Variants in HNRNPM observed in about 807,000 individuals in gnomAD.
HNRNPM encodes heterogeneous nuclear ribonucleoprotein M, also known as CEA receptor.
Under a neutral mutation model 73.1 loss-of-function variants are expected in HNRNPM, and 11 were observed. That is an observed-to-expected ratio of 0.15 (90% CI 0.09 to 0.25). The LOEUF (loss-of-function observed/expected upper bound fraction) is 0.25. Among genes scored for constraint, HNRNPM ranks in the 10% least tolerant of loss-of-function variants. The pLI, the probability that HNRNPM is intolerant of heterozygous loss-of-function variation, is 1.00. For missense variants in HNRNPM, 789 were observed against 1,067.9 expected, an observed-to-expected ratio of 0.74 and a Z score of 3.64; for synonymous variants, 407 against 355.2, an observed-to-expected ratio of 1.15 and a Z score of -1.64.
At chr19:8,464,820 C>G (rs1969632361) in intron 5 of HNRNPM, among the ~76,000 whole-genome samples, 2 of 152,088 alleles carry the variant, frequency 1.3e-5, no homozygotes, top group African/African-American at 4.8e-5. Context: ...CAGACCTTCC[C>G]AGATGTTGTT....
Position 8,452,429 on chromosome 19 carries a change from G to A in HNRNPM, c.114-2976G>A, listed in dbSNP as rs117518776. Among the ~76,000 whole-genome samples the A allele has an allele frequency of 1.9e-4, 29 of 152,258 alleles. 1 individual carries two copies. The highest frequency in any genetic ancestry group is 6.8e-3 in the Middle Eastern group (2 of 294). On this transcript the variant is annotated intron_variant, in intron 1 of 15. Coordinates refer to ENST00000325495, the MANE Select transcript of HNRNPM (RefSeq NM_005968.5). Reference sequence around the variant, plus strand: ...TATGATTTTTTCTAACACAGTCGTCGTCATTTTCCAGGAAAGAGTAGGAGA... The same window carrying A: ...TATGATTTTTTCTAACACAGTCGTCATCATTTTCCAGGAAAGAGTAGGAGA...
At chr19:8,463,330 G>A (rs1015601543) in intron 3 of HNRNPM, among the ~76,000 whole-genome samples, 167 bp from the exon 4 acceptor site, 10 of 152,340 alleles carry the variant, frequency 6.6e-5, no homozygotes, top group South Asian at 2.1e-4. Flanking sequence ...AAGGCGAGGC[G>A]AGGCACTTCT....
At chr19:8,451,335 G>T (rs534723687) in intron 1 of HNRNPM, among the ~76,000 whole-genome samples, 6 of 152,078 alleles carry the variant, frequency 3.9e-5, no homozygotes, top group Non-Finnish European at 8.8e-5. Context: ...GAGCCACCGC[G>T]CCCAGCCAAA....
intron 2 of HNRNPM, among the ~76,000 whole-genome samples, chr19:8,461,678 G>T (rs1052544147): frequency 6.6e-6 from 1 of 151,822 alleles, no homozygotes; most frequent in Non-Finnish European, 1.5e-5. Context: ...ATATGAGTCT[G>T]TTTAACTGTT....
intron 12 of HNRNPM, chr19:8,482,933 G>A: frequency 1.9e-6 from 1 of 526,752 alleles, no homozygotes; most frequent in South Asian, 2.5e-5. Context: ...CGCACGCTGG[G>A]CCTCAGACTC....
At chr19:8,461,194 G>C (rs1281999533) in intron 2 of HNRNPM, among the ~76,000 whole-genome samples, 6 of 152,294 alleles carry the variant, frequency 3.9e-5, no homozygotes, top group Admixed American at 3.9e-4. Flanking sequence ...GTAAACTTTG[G>C]ACACTTGGCT....
chr19:8,485,465 T>G, intron 13 of HNRNPM, 138 bp from the exon 14 acceptor site: 6 of 861,310 alleles, frequency 7.0e-6, no homozygotes, highest in Non-Finnish European at 1.1e-5. Context: ...GTTGTCAACA[T>G]TTGAGGGGTG....
At chr19:8,448,007 CAG>C (rs1968331635) in intron 1 of HNRNPM, among the ~76,000 whole-genome samples, 1 of 152,188 alleles carries the variant, frequency 6.6e-6, no homozygotes, top group Admixed American at 6.5e-5. Flanking sequence ...GCCTGGGCGA[CAG>C]AGCGATACTC....
intron 12 of HNRNPM, among the ~76,000 whole-genome samples, chr19:8,476,669 C>T (rs942839225): frequency 1.3e-5 from 2 of 152,124 alleles, no homozygotes; most frequent in African/African-American, 4.8e-5. Context: ...TTGGAGTTCA[C>T]GGTGCTCCCT....
At chr19:8,447,676 G>A (rs757375775) in intron 1 of HNRNPM, among the ~76,000 whole-genome samples, 35 of 152,116 alleles carry the variant, frequency 2.3e-4, no homozygotes, top group Non-Finnish European at 4.4e-4. Flanking sequence ...TTTGAGCTCA[G>A]GAGTTCAAGA....
At chr19:8,466,206 A>G in intron 6 of HNRNPM, 29 bp from the exon 7 acceptor site, 4 of 1,592,374 alleles carry the variant, frequency 2.5e-6, no homozygotes, top group Middle Eastern at 1.7e-4. Context: ...GTTTACATTG[A>G]GGTTTTTACC....
At chr19:8,486,538 T>C (rs1284750154) in intron 14 of HNRNPM, 133 bp downstream of exon 14, 3 of 724,706 alleles carry the variant, frequency 4.1e-6, no homozygotes, top group Non-Finnish European at 6.7e-6. Flanking sequence ...CCCAAACGTT[T>C]TATGCTAGTG....
rs1046491600 is a variant in HNRNPM, at chr19:8,463,763, C to T, written c.438+77C>T. 12 of 996,512 alleles carry T rather than the reference C, an allele frequency of 1.2e-5. No homozygotes were observed. The African/African-American group carries it at 1.6e-4, about 14-fold the overall frequency. The allele number at this position is 996,512 out of a possible 1,614,324, so 61.7% of individuals were successfully genotyped here. ...TACTTTGGAATTAGGGAAAGACGGT[C>T]ATGGTCCCAGACGGCATTTACAAAG... On this transcript the variant is annotated intron_variant, in intron 5 of 15. Transcript: ENST00000325495.
chr19:8,479,096 T>TTC lies in HNRNPM; in HGVS notation c.1121-4061_1121-4060insCT, dbSNP rs1555707167. ...TTTCTTTCTTTTTTTTTTTTTTTTT[T>TTC]TTTTTTCAAGACAGAGTCTCGCTTT... On this transcript the variant is annotated intron_variant, in intron 12 of 15. Transcript: ENST00000325495. 3.0e-3 allele frequency among the ~76,000 whole-genome samples: 386 copies of TTC among 126,910 alleles called. 1 individual carries two copies. The highest frequency in any genetic ancestry group is 5.3e-3 in the East Asian group (23 of 4,350). The allele number at this position is 126,910 out of a possible 152,430, so 83.3% of individuals were successfully genotyped here.
At chr19:8,457,478 T>G (rs1969102527) in intron 2 of HNRNPM, among the ~76,000 whole-genome samples, 1 of 152,250 alleles carries the variant, frequency 6.6e-6, no homozygotes, top group Non-Finnish European at 1.5e-5. Context: ...AATTTAGAAT[T>G]ACAGGTGTGC....
intron 1 of HNRNPM, among the ~76,000 whole-genome samples, chr19:8,452,969 T>A (rs1968734289): frequency 6.6e-6 from 1 of 150,802 alleles, no homozygotes; most frequent in African/African-American, 2.4e-5. Flanking sequence ...GCCTCCTGAG[T>A]AGCTGGGACT....
intron 9 of HNRNPM, among the ~76,000 whole-genome samples, chr19:8,469,041 A>G (rs10421511): frequency 0.83 from 126,550 of 152,148 alleles, 55,873 homozygotes; most frequent in East Asian, 0.98. Flanking sequence ...TAATCCTAGG[A>G]TTGTAATACC....
chr19:8,477,660 CAAAAAAAAA>C (rs35193948), intron 12 of HNRNPM, among the ~76,000 whole-genome samples: 2 of 117,092 alleles, frequency 1.7e-5, no homozygotes, highest in African/African-American at 7.4e-5. Context: ...AACCCTGTCT[CAAAAAAAAA>C]AAAAAAAAAA....
intron 2 of HNRNPM, among the ~76,000 whole-genome samples, chr19:8,456,962 A>G (rs1969070205): frequency 6.6e-6 from 1 of 152,198 alleles, no homozygotes; most frequent in African/African-American, 2.4e-5. Flanking sequence ...CTGCTGCTTC[A>G]ATAGAAGCTT....
Sources: allele counts gnomAD v4.1 joint callset (sites outside exome capture counted in the v4.1 genomes callset), GRCh38; gene constraint gnomAD v4.1.1; transcripts MANE v1.5; gene names NCBI Gene and HGNC (gene_info 2026-07-23, HGNC 2026-07-21).